Variants in ELMO1 observed in about 807,000 individuals in gnomAD.
ELMO1 encodes the protein engulfment and cell motility protein 1.
A neutral mutation model predicts 98.9 loss-of-function variants in ELMO1; 26 were observed. That is an observed-to-expected ratio of 0.26 (90% CI 0.19 to 0.36). ELMO1 has a LOEUF of 0.36. Ranked by LOEUF, ELMO1 falls within the 10% of genes least tolerant of loss-of-function variation. The probability of loss-of-function intolerance (pLI) is 1.00; values close to 1 mark genes in which losing one functional copy is unlikely to be tolerated. For missense variants in ELMO1, 627 were observed against 935.2 expected (o/e 0.67, Z 4.30); for synonymous variants, 346 against 346.0 (o/e 1.00, Z 0.00).
At chr7:36,919,528 A>G (rs866162066) in intron 16 of ELMO1, 1 of 396,706 alleles carries the variant, frequency 2.5e-6, no homozygotes, top group Non-Finnish European at 5.5e-6. Flanking sequence ...CATCTGTAAA[A>G]TGGGATAATG....
At chr7:37,012,107 T>C (rs1003696120) in intron 16 of ELMO1, among the ~76,000 whole-genome samples, 6 of 152,188 alleles carry the variant, frequency 3.9e-5, no homozygotes, top group African/African-American at 1.4e-4. Context: ...ATGACCAAGA[T>C]GCAAAGGACA....
At chr7:37,036,043 T>C (rs951415512) in intron 15 of ELMO1, among the ~76,000 whole-genome samples, 2 of 152,262 alleles carry the variant, frequency 1.3e-5, no homozygotes, top group African/African-American at 2.4e-5. Flanking sequence ...AAACTTTCTG[T>C]AATGGATTTG....
At chr7:37,363,166 G>T (rs952406096) in intron 1 of ELMO1, among the ~76,000 whole-genome samples, 3 of 152,122 alleles carry the variant, frequency 2.0e-5, no homozygotes, top group Admixed American at 2.0e-4. Flanking sequence ...GACTTCAGGT[G>T]CTTGTGCCAG....
At chr7:36,884,934 CA>C (rs1486752891) in intron 18 of ELMO1, among the ~76,000 whole-genome samples, 4 of 152,184 alleles carry the variant, frequency 2.6e-5, no homozygotes, top group African/African-American at 9.7e-5. Flanking sequence ...TGGCACCAGG[CA>C]GGCGGTTGTC....
intron 1 of ELMO1, among the ~76,000 whole-genome samples, chr7:37,381,998 T>C (rs1195784091): frequency 6.6e-6 from 1 of 152,186 alleles, no homozygotes; most frequent in African/African-American, 2.4e-5. Flanking sequence ...AATTCAGCAA[T>C]CTATACATTA....
At chr7:37,350,467 G>C (rs763001505) in intron 1 of ELMO1, among the ~76,000 whole-genome samples, 2 of 152,208 alleles carry the variant, frequency 1.3e-5, no homozygotes, top group Non-Finnish European at 2.9e-5. Context: ...GCAGACAGGC[G>C]CCTAGAGCAG....
intron 1 of ELMO1, chr7:37,393,899 G>A (rs1308727556): frequency 6.6e-6 from 1 of 152,164 alleles, no homozygotes; most frequent in Non-Finnish European, 1.5e-5. Context: ...TATGGTATAA[G>A]TGCTCCCTGC....
chr7:37,448,038 G>C (rs546734051), intron 1 of ELMO1, among the ~76,000 whole-genome samples: 37 of 152,026 alleles, frequency 2.4e-4, no homozygotes, highest in African/African-American at 7.7e-4. Context: ...CCCGGGAGGA[G>C]AGTATTTACT....
intron 20 of ELMO1, among the ~76,000 whole-genome samples, chr7:36,866,173 C>T (rs1803018930): frequency 6.6e-6 from 1 of 152,220 alleles, no homozygotes; most frequent in Non-Finnish European, 1.5e-5. Context: ...CCTTAAAGCA[C>T]ACAGCCACAA....
intron 7 of ELMO1, among the ~76,000 whole-genome samples, chr7:37,236,318 CTA>C (rs1281714271): frequency 1.3e-5 from 2 of 152,194 alleles, no homozygotes; most frequent in African/African-American, 4.8e-5. Context: ...ATTTCAATCT[CTA>C]TGGCTGTTAA....
In ELMO1 at chr7:37,216,712, C is replaced by T. The variant is rs1563083069; in HGVS notation, c.781-17G>A. On this transcript the variant is annotated splice_polypyrimidine_tract_variant and intron_variant, in intron 10 of 21. Transcript: ENST00000310758. ...CGCCATCTCCTGTGGAAGAAAAACA[C>T]ACCCACACAAAGGCTTAGGTTAGAA... The T allele has an allele frequency of 1.2e-6, 2 of 1,614,114 alleles. No individual in the cohort carries two copies. The highest frequency in any genetic ancestry group is 4.5e-5 in the East Asian group (2 of 44,860).
At chr7:37,168,658 C>T (rs922658873) in intron 13 of ELMO1, among the ~76,000 whole-genome samples, 7 of 152,112 alleles carry the variant, frequency 4.6e-5, no homozygotes, top group African/African-American at 1.2e-4. Context: ...AGCGGTTTTT[C>T]GTGAACCGTG....
chr7:37,435,770 G>A (rs1021643218), intron 1 of ELMO1, among the ~76,000 whole-genome samples: 1 of 152,078 alleles, frequency 6.6e-6, no homozygotes, highest in South Asian at 2.1e-4. Flanking sequence ...GCTTATGACT[G>A]GAAGGATGTC....
intron 13 of ELMO1, among the ~76,000 whole-genome samples, chr7:37,186,073 A>C (rs867023860): frequency 6.6e-6 from 1 of 152,220 alleles, no homozygotes; most frequent in Non-Finnish European, 1.5e-5. Context: ...CTTACTACAA[A>C]GTTTCCATAA....
At chr7:37,384,051 G>A (rs1239549081) in intron 1 of ELMO1, among the ~76,000 whole-genome samples, 3 of 152,130 alleles carry the variant, frequency 2.0e-5, no homozygotes, top group Non-Finnish European at 4.4e-5. Context: ...TCCTGACCTC[G>A]TGATCCACCC....
At chr7:37,381,261 A>G (rs1802568256) in intron 1 of ELMO1, among the ~76,000 whole-genome samples, 1 of 152,232 alleles carries the variant, frequency 6.6e-6, no homozygotes, top group African/African-American at 2.4e-5. Context: ...ATAATGTCCA[A>G]CTTCACAGTC....
chr7:37,120,046 A>AT (rs913419764), intron 14 of ELMO1, among the ~76,000 whole-genome samples: 5 of 152,180 alleles, frequency 3.3e-5, no homozygotes, highest in African/African-American at 1.2e-4. Flanking sequence ...TTACTTTTAA[A>AT]TTTTTTCCTG....
intron 1 of ELMO1, among the ~76,000 whole-genome samples, chr7:37,437,634 T>G (rs1805204031): frequency 6.6e-6 from 1 of 152,234 alleles, no homozygotes; most frequent in Non-Finnish European, 1.5e-5. Flanking sequence ...TAGCATTCCT[T>G]TGTGGTGGGA....
chr7:37,215,572 C>T (rs956999500), intron 11 of ELMO1, among the ~76,000 whole-genome samples: 23 of 152,234 alleles, frequency 1.5e-4, no homozygotes, highest in African/African-American at 5.3e-4. Flanking sequence ...CTGCCCTAAC[C>T]ACCCAGGGCC....
Sources: gnomAD v4.1 joint callset for allele counts (sites outside exome capture counted in the v4.1 genomes callset) on GRCh38, gnomAD v4.1.1 for gene constraint, MANE v1.5 for transcripts, NCBI Gene and HGNC (gene_info 2026-07-23, HGNC 2026-07-21) for gene names.